Variants in POLK observed in about 807,000 individuals in gnomAD.
The protein encoded by POLK is polymerase (DNA directed) kappa.
POLK carries 76 observed loss-of-function variants against 94.0 expected under a neutral mutation model. The observed-to-expected ratio is 0.81, with a 90% CI of 0.67 to 0.98. The LOEUF is 0.98. Ranked by LOEUF, POLK falls within the 50% of genes least tolerant of loss-of-function variation. The pLI, the probability that POLK is intolerant of heterozygous loss-of-function variation, is 0.00. For synonymous variants in POLK, 349 were observed against 325.4 expected, an observed-to-expected ratio of 1.07 and a Z score of -0.78; for missense variants, 954 against 1,010.1, an observed-to-expected ratio of 0.94 and a Z score of 0.75.
rs1384113200 is a variant in POLK at position 75,581,444 on chromosome 5, T to G, written c.930T>G (p.Ser310Arg). The G allele has an allele frequency of 1.9e-6, 3 of 1,612,912 alleles. No homozygotes were observed. In the African/African-American group the frequency reaches 4.0e-5, roughly 22 times the overall value. The change falls in exon 7 of 15, where the codon AGT becomes AGG. Residue 310 changes from serine to arginine, a missense_variant. By Grantham distance (110) the Ser-to-Arg change is moderately radical (BLOSUM62 -1). Coordinates refer to ENST00000241436, the Ensembl canonical transcript of POLK. ...AGCAGAAAACAACACTGACAGCCAG[T>G]GCAGGTATTTAAAAGAGTATTGATG...
intron 7 of POLK, chr5:75,582,221 A>T (rs1160230982): frequency 1.6e-6 from 1 of 635,410 alleles, no homozygotes; most frequent in Non-Finnish European, 2.0e-6. Context: ...CCATGAGGCC[A>T]TCACTGTCTC....
chr5:75,528,996 A>G (rs555217458), intron 1 of POLK, among the ~76,000 whole-genome samples: 4 of 152,220 alleles, frequency 2.6e-5, no homozygotes, highest in African/African-American at 4.8e-5. Flanking sequence ...GCATTTACAT[A>G]TAACCTTTAT....
chr5:75,548,443 CT>C (rs908615885), intron 2 of POLK, among the ~76,000 whole-genome samples: 2 of 150,118 alleles, frequency 1.3e-5, no homozygotes, highest in Non-Finnish European at 3.0e-5. Flanking sequence ...TTTTTTACCA[CT>C]TTTTTGTTTC....
rs548935909 is a variant in POLK at position 75,559,539 on chromosome 5, T to G, written c.255+6948T>G. Among the ~76,000 whole-genome samples the G allele has an allele frequency of 7.2e-4, 99 of 137,452 alleles. No homozygotes were observed. The East Asian group carries it at 7.4e-3, about 10-fold the overall frequency. 90.2% of individuals were successfully genotyped at this position (137,452 alleles called of 152,430 possible). On this transcript the variant is annotated intron_variant, in intron 3 of 14. Transcript: ENST00000241436. Reference sequence around the variant, plus strand: ...TTTTGTTTTGTTTTTTTTTTTTTTTTTTTTTTTTTTTAGAGACAGGGTCTC... The same window carrying G: ...TTTTGTTTTGTTTTTTTTTTTTTTTGTTTTTTTTTTTAGAGACAGGGTCTC...
intron 3 of POLK, chr5:75,568,551 T>G (rs1581041168): frequency 1.0e-5 from 2 of 193,580 alleles, no homozygotes; most frequent in South Asian, 1.4e-4. Context: ...AAAACTAAGT[T>G]GTTAGTTTTC....
chr5:75,584,823 G>A, exon 9 of POLK: 1 of 1,600,340 alleles, frequency 6.2e-7, no homozygotes, highest in Non-Finnish European at 8.6e-7. Context: ...TACATGTACA[G>A]AACTTTACCA....
At chr5:75,578,697 G>A (rs1371699924) in intron 6 of POLK, among the ~76,000 whole-genome samples, 1 of 152,096 alleles carries the variant, frequency 6.6e-6, no homozygotes, top group Non-Finnish European at 1.5e-5. Flanking sequence ...TTGGAACTGT[G>A]GAAGGCAATT....
exon 13 of POLK, chr5:75,596,869 G>A: frequency 6.2e-7 from 1 of 1,613,590 alleles, no homozygotes; most frequent in Non-Finnish European, 8.5e-7. Context: ...GCATAGCAAG[G>A]AAGAATGTTC....
chr5:75,536,737 G>A (rs1220854843), intron 1 of POLK, among the ~76,000 whole-genome samples: 1 of 152,226 alleles, frequency 6.6e-6, no homozygotes, highest in Non-Finnish European at 1.5e-5. Context: ...GCTACCAGAG[G>A]CAGGGATGGG....
At chr5:75,598,050 G>C in exon 15 of POLK, 1 of 838,312 alleles carries the variant, frequency 1.2e-6, no homozygotes, top group East Asian at 3.0e-5. Flanking sequence ...ATTTTTAATT[G>C]AAACTAGTTA....
At chr5:75,585,508 A>G (rs552540838) in intron 9 of POLK, among the ~76,000 whole-genome samples, 39 of 152,278 alleles carry the variant, frequency 2.6e-4, no homozygotes, top group African/African-American at 8.9e-4. Context: ...GGTATAGAAA[A>G]TGACTGGGGG....
At chr5:75,557,745 A>G (rs541321099) in intron 3 of POLK, among the ~76,000 whole-genome samples, 1 of 152,204 alleles carries the variant, frequency 6.6e-6, no homozygotes, top group South Asian at 2.1e-4. Flanking sequence ...CTTGTTCCTA[A>G]GTATTTCATT....
intron 11 of POLK, among the ~76,000 whole-genome samples, chr5:75,592,990 A>C (rs991372236): frequency 2.6e-5 from 4 of 152,112 alleles, no homozygotes; most frequent in Non-Finnish European, 4.4e-5. Context: ...TGGGAGGTCA[A>C]AGCTGCAGTG....
At chr5:75,572,514 T>C (rs1178663120) in intron 4 of POLK, among the ~76,000 whole-genome samples, 31 of 152,188 alleles carry the variant, frequency 2.0e-4, no homozygotes, top group Non-Finnish European at 4.4e-5. Context: ...ACTATTATTT[T>C]ATGACTATTC....
intron 5 of POLK, among the ~76,000 whole-genome samples, chr5:75,574,355 A>G (rs183377391): frequency 6.6e-6 from 1 of 152,182 alleles, no homozygotes; most frequent in Non-Finnish European, 1.5e-5. Flanking sequence ...TAAGAGACTG[A>G]TAATTGAAAA....
chr5:75,548,108 G>C (rs1458115328), intron 2 of POLK, among the ~76,000 whole-genome samples: 1 of 152,076 alleles, frequency 6.6e-6, no homozygotes, highest in African/African-American at 2.4e-5. Context: ...TTTTTGTAGA[G>C]AGGCGGTCTC....
chr5:75,564,242 CTTTCTTTCT>C (rs869196134), intron 3 of POLK, among the ~76,000 whole-genome samples: 7 of 149,996 alleles, frequency 4.7e-5, no homozygotes, highest in African/African-American at 1.7e-4. Context: ...TTCTTTCTTT[CTTTCTTTCT>C]TTTCTTTCTT....
intron 1 of POLK, among the ~76,000 whole-genome samples, chr5:75,528,576 C>T (rs944863969): frequency 6.6e-6 from 1 of 151,888 alleles, no homozygotes; most frequent in Non-Finnish European, 1.5e-5. Flanking sequence ...CTTTGAAAGG[C>T]CTAGGCAGGA....
intron 4 of POLK, 123 bp downstream of exon 4, chr5:75,569,615 T>C (rs1312901785): frequency 6.5e-6 from 5 of 769,826 alleles, no homozygotes; most frequent in Non-Finnish European, 1.0e-5. Flanking sequence ...CTGGGTGCCT[T>C]ATATATGACT....
Sources: gnomAD v4.1 joint callset for allele counts (sites outside exome capture counted in the v4.1 genomes callset) on GRCh38, gnomAD v4.1.1 for gene constraint, MANE v1.5 for transcripts, NCBI Gene and HGNC (gene_info 2026-07-23, HGNC 2026-07-21) for gene names.